Variants in PIP5K1C observed in about 807,000 individuals in gnomAD.
The protein encoded by PIP5K1C is phosphatidylinositol 4-phosphate 5-kinase type-1 gamma.
Under a neutral mutation model 80.1 loss-of-function variants are expected in PIP5K1C, and 45 were observed. The ratio of observed to expected loss-of-function variants is 0.56; its 90% CI spans 0.44 to 0.72. The LOEUF is 0.72. Among genes scored for constraint, PIP5K1C ranks in the 30% least tolerant of loss-of-function variants. The pLI, the probability that PIP5K1C is intolerant of heterozygous loss-of-function variation, is 0.00. For synonymous variants in PIP5K1C, 498 were observed against 420.1 expected, an observed-to-expected ratio of 1.19 and a Z score of -2.27; for missense variants, 753 against 954.6, an observed-to-expected ratio of 0.79 and a Z score of 2.78.
intron 1 of PIP5K1C, among the ~76,000 whole-genome samples, chr19:3,675,827 C>T (rs2035339772): frequency 1.3e-5 from 2 of 152,228 alleles, no homozygotes; most frequent in African/African-American, 4.8e-5. Flanking sequence ...GGCCTCCACC[C>T]ACTCCATGCC....
At position 3,632,149 on chromosome 19, in the gene PIP5K1C, TAAAC is replaced by T. The variant is rs1173352891; in HGVS notation, c.*1014_*1017del. 6.6e-6 allele frequency: 1 copy of T among 152,238 alleles called. No homozygotes were observed. 9.4% of individuals were successfully genotyped at this position (152,238 alleles called of 1,614,324 possible). On this transcript the variant is annotated 3_prime_UTR_variant, in exon 18 of 18. Transcript: ENST00000335312. The stretch of plus-strand genomic sequence containing the variant: ...CCCTCCTCGGAGACATCACATCACT[TAAAC>T]AAGAAAGAGGCGGCGGACATCCACA...
In PIP5K1C at chr19:3,632,920, CA is replaced by C; in HGVS notation, c.*246del. ...TCCGTCTCTGTGCCAAATAAGGACT[CA>C]AATGCGATTGGCCGCTCGGGAGGGT... On this transcript the variant is annotated 3_prime_UTR_variant, in exon 18 of 18. Coordinates refer to ENST00000335312, the MANE Select transcript of PIP5K1C (RefSeq NM_012398.3). 1.9e-6 allele frequency: 1 copy of C among 529,644 alleles called. No individual in the cohort carries two copies. Among genetic ancestry groups the C allele is most frequent in the South Asian group, 2.7e-5 (1 of 37,526 alleles). The allele number at this position is 529,644 out of a possible 1,614,324, so 32.8% of individuals were successfully genotyped here. A position where few individuals can be genotyped will look rare whatever the true frequency, so the allele number is the denominator to read the frequency against.
intron 8 of PIP5K1C, among the ~76,000 whole-genome samples, chr19:3,649,047 ATT>A (rs1314344949): frequency 4.1e-5 from 6 of 147,748 alleles, no homozygotes; most frequent in East Asian, 4.0e-4. Context: ...TGGGGAGTTA[ATT>A]GTCACCCGGC....
At chr19:3,635,181 T>C (rs2033630971) in intron 16 of PIP5K1C, among the ~76,000 whole-genome samples, 1 of 152,240 alleles carries the variant, frequency 6.6e-6, no homozygotes, top group Non-Finnish European at 1.5e-5. Flanking sequence ...AGAGCCGCTC[T>C]CTGGGAGGGG....
rs759312833 is a variant in PIP5K1C, at chr19:3,638,870, C to A, written c.1920+14G>T. 1.2e-6 allele frequency: 2 copies of A among 1,612,904 alleles called. No homozygotes were observed. Among genetic ancestry groups the A allele is most frequent in the South Asian group, 2.2e-5 (2 of 91,064 alleles). On this transcript the variant is annotated intron_variant, in intron 16 of 17. Transcript: ENST00000335312. ...GTTGACGAGCCGGCGGCAGGAGGAG[C>A]CCGGGGCACTTACAAAGTAGATGTC...
intron 15 of PIP5K1C, among the ~76,000 whole-genome samples, chr19:3,639,569 C>A (rs1179318663): frequency 6.6e-6 from 1 of 152,036 alleles, no homozygotes. Flanking sequence ...GTAGCTGAGA[C>A]TATAGGTGTG....
intron 1 of PIP5K1C, among the ~76,000 whole-genome samples, chr19:3,683,410 G>C (rs2035650329): frequency 6.6e-6 from 1 of 152,210 alleles, no homozygotes; most frequent in African/African-American, 2.4e-5. Context: ...TAACCACTGA[G>C]CCACCCTGGA....
At chr19:3,694,794 C>G (rs1488180720) in intron 1 of PIP5K1C, among the ~76,000 whole-genome samples, 1 of 152,264 alleles carries the variant, frequency 6.6e-6, no homozygotes, top group African/African-American at 2.4e-5. Flanking sequence ...AGTCACCTCC[C>G]TCCGAGTCCT....
intron 15 of PIP5K1C, among the ~76,000 whole-genome samples, chr19:3,640,971 G>T (rs1434858491): frequency 6.6e-6 from 1 of 152,150 alleles, no homozygotes; most frequent in African/African-American, 2.4e-5. Flanking sequence ...ACAGGCATGA[G>T]CCACCGTGCC....
chr19:3,684,046 G>T (rs1217022259), intron 1 of PIP5K1C, among the ~76,000 whole-genome samples: 1 of 147,586 alleles, frequency 6.8e-6, no homozygotes, highest in Admixed American at 6.8e-5. Context: ...CCGGCCCCCA[G>T]CACAGGAGAG....
intron 15 of PIP5K1C, among the ~76,000 whole-genome samples, chr19:3,639,870 G>A (rs2145387721): frequency 6.6e-6 from 1 of 152,368 alleles, no homozygotes; most frequent in African/African-American, 2.4e-5. Flanking sequence ...CGGAGAGGAG[G>A]TGAGGAACGG....
Position 3,639,032 on chromosome 19 carries a change from GAC to G in PIP5K1C, c.1788-18_1788-17del, listed in dbSNP as rs1427885983. The G allele has an allele frequency of 1.9e-6, 3 of 1,608,844 alleles. No individual in the cohort carries two copies. ...AGCCTCCACCCTGGGGACAGGAGTA[GAC>G]AGAGGGTCTTGACCCTCAGGCCCCA... On this transcript the variant is annotated splice_polypyrimidine_tract_variant and intron_variant, in intron 15 of 17. Coordinates refer to ENST00000335312, the MANE Select transcript of PIP5K1C (RefSeq NM_012398.3).
rs2145599203 is a variant in PIP5K1C at position 3,688,121 on chromosome 19, G to A, written c.94+12176C>T. On this transcript the variant is annotated intron_variant, in intron 1 of 17. Transcript: ENST00000335312. This position sits in a 1 kb window ranked among gnomAD's most constrained non-coding sequence, Gnocchi z 5.3. ...GTGCGGGCTGCGGGAGATCCTGATG[G>A]GCCCCGAGCTGAGGCTCCCGCAGCC... Among the ~76,000 whole-genome samples the A allele has an allele frequency of 6.6e-6, 1 of 152,262 alleles. No homozygotes were observed. Among genetic ancestry groups the A allele is most frequent in the Admixed American group, 6.5e-5 (1 of 15,306 alleles).
intron 5 of PIP5K1C, among the ~76,000 whole-genome samples, chr19:3,660,337 A>G (rs964887464): frequency 4.0e-5 from 6 of 151,376 alleles, no homozygotes; most frequent in Non-Finnish European, 7.4e-5. Context: ...CCGAGATCGC[A>G]CCACTGCACT....
At chr19:3,656,232 G>A (rs1165067832) in intron 6 of PIP5K1C, among the ~76,000 whole-genome samples, 173 bp downstream of exon 6, 1 of 152,212 alleles carries the variant, frequency 6.6e-6, no homozygotes, top group African/African-American at 2.4e-5. Flanking sequence ...CTGAACACTG[G>A]TGCTGGTGAA....
intron 16 of PIP5K1C, chr19:3,636,486 C>T (rs539312924): frequency 6.4e-5 from 63 of 985,570 alleles, no homozygotes; most frequent in South Asian, 3.8e-4. Flanking sequence ...CACCCCCCTC[C>T]GTAGGCGGCC....
At chr19:3,680,127 T>A (rs1442822998) in intron 1 of PIP5K1C, among the ~76,000 whole-genome samples, 1 of 152,158 alleles carries the variant, frequency 6.6e-6, no homozygotes, top group Admixed American at 6.5e-5. Flanking sequence ...GAAGATGCAC[T>A]CTCTTCTGAT....
intron 4 of PIP5K1C, 113 bp downstream of exon 4, chr19:3,661,758 C>T (rs1046405962): frequency 1.5e-6 from 2 of 1,319,804 alleles, no homozygotes. Flanking sequence ...CAAGGAGGCG[C>T]CAGGAGGGGC....
At chr19:3,652,701 C>T (rs1470299495) in intron 7 of PIP5K1C, among the ~76,000 whole-genome samples, 1 of 152,216 alleles carries the variant, frequency 6.6e-6, no homozygotes, top group Non-Finnish European at 1.5e-5. Flanking sequence ...TCCACGGGGA[C>T]AGGAGCCAGA....
Sources: gnomAD v4.1 joint callset for allele counts (sites outside exome capture counted in the v4.1 genomes callset) on GRCh38, gnomAD v4.1.1 for gene constraint, Gnocchi (gnomAD v3.1) non-coding constraint, MANE v1.5 for transcripts, NCBI Gene and HGNC (gene_info 2026-07-23, HGNC 2026-07-21) for gene names.